Variants in KAZN observed in about 807,000 individuals in gnomAD.
KAZN encodes the protein kazrin.
KAZN carries 40 observed loss-of-function variants against 87.4 expected under a neutral mutation model. That is an observed-to-expected ratio of 0.46 (90% CI 0.36 to 0.60). The LOEUF (loss-of-function observed/expected upper bound fraction) is 0.60. Among genes scored for constraint, KAZN ranks in the 20% least tolerant of loss-of-function variants. The pLI, the probability that KAZN is intolerant of heterozygous loss-of-function variation, is 0.00. For synonymous variants in KAZN, 466 were observed against 458.3 expected (o/e 1.02, Z -0.22); for missense variants, 898 against 1,073.9 (o/e 0.84, Z 2.29).
intron 2 of KAZN, among the ~76,000 whole-genome samples, chr1:14,420,048 A>G (rs1188078232): frequency 6.6e-6 from 1 of 152,110 alleles, no homozygotes; most frequent in Non-Finnish European, 1.5e-5. Context: ...TCCATTTTAC[A>G]GAGAGCTGAT....
chr1:14,623,410 G>A (rs913779893), intron 1 of KAZN, among the ~76,000 whole-genome samples: 22 of 152,300 alleles, frequency 1.4e-4, no homozygotes, highest in African/African-American at 4.6e-4. Flanking sequence ...AAGTGGGAGC[G>A]AAACATTGAG....
At chr1:14,750,988 T>C (rs1644398935) in intron 1 of KAZN, among the ~76,000 whole-genome samples, 1 of 152,180 alleles carries the variant, frequency 6.6e-6, no homozygotes, top group Non-Finnish European at 1.5e-5. Context: ...GAGTGGGAGA[T>C]GGAGAATGGT....
At chr1:13,893,795 G>T in intron 1 of KAZN, 3 of 1,547,752 alleles carry the variant, frequency 1.9e-6, no homozygotes, top group Non-Finnish European at 2.6e-6. Context: ...CAGAGAATGG[G>T]AAGTGGAGCG....
chr1:15,050,028 GGGT>G (rs1231491977), intron 4 of KAZN, among the ~76,000 whole-genome samples: 831 of 82,042 alleles, frequency 0.01, 23 homozygotes, highest in African/African-American at 0.068. Flanking sequence ...GAGTAGAGTA[GGGT>G]AGGGTAGGGT....
At chr1:14,803,690 C>T (rs1387785564) in intron 1 of KAZN, among the ~76,000 whole-genome samples, 3 of 152,358 alleles carry the variant, frequency 2.0e-5, no homozygotes, top group South Asian at 2.1e-4. Context: ...CAGTGCTTTA[C>T]GACGGCACCT....
Position 15,103,494 on chromosome 1 carries a change from G to C in KAZN, c.1881+34G>C, listed in dbSNP as rs1016281027. On this transcript the variant is annotated intron_variant, in intron 12 of 14. Coordinates refer to ENST00000376030, the MANE Select transcript of KAZN (RefSeq NM_201628.3). ...GATAGCGGAGGTCGGGGTGACTCTC[G>C]GGCATACACAAACCCCATGCAAATC... The C allele has an allele frequency of 5.1e-6, 7 of 1,383,162 alleles. No individual in the cohort carries two copies. The African/African-American group carries it at 1.1e-4, about 21-fold the overall frequency. The allele number at this position is 1,383,162 out of a possible 1,614,324, so 85.7% of individuals were successfully genotyped here. A position where few individuals can be genotyped will look rare whatever the true frequency, so the allele number is the denominator to read the frequency against.
intron 1 of KAZN, among the ~76,000 whole-genome samples, chr1:14,888,018 C>CCT (rs1186124621): frequency 6.6e-6 from 1 of 151,998 alleles, no homozygotes; most frequent in Non-Finnish European, 1.5e-5. Flanking sequence ...TTGCTGACAG[C>CCT]CTCTCTCGGT....
At chr1:14,717,603 C>A (rs1388554642) in intron 1 of KAZN, among the ~76,000 whole-genome samples, 1 of 152,206 alleles carries the variant, frequency 6.6e-6, no homozygotes, top group Non-Finnish European at 1.5e-5. Context: ...CCAGCATGAT[C>A]TCATCTTGAC....
At chr1:14,483,950 G>A (rs1399258364) in intron 2 of KAZN, among the ~76,000 whole-genome samples, 1 of 152,212 alleles carries the variant, frequency 6.6e-6, no homozygotes, top group Non-Finnish European at 1.5e-5. Flanking sequence ...TATGGTGTGA[G>A]ATAATGGTCT....
intron 1 of KAZN, among the ~76,000 whole-genome samples, chr1:14,146,746 CA>C (rs1645362280): frequency 6.8e-6 from 1 of 147,828 alleles, no homozygotes; most frequent in Non-Finnish European, 1.5e-5. Flanking sequence ...GACTTGATGA[CA>C]GTTAAATTTG....
At chr1:14,895,961 CAAG>C (rs780109580) in intron 1 of KAZN, among the ~76,000 whole-genome samples, 12 of 149,664 alleles carry the variant, frequency 8.0e-5, no homozygotes, top group Non-Finnish European at 1.8e-4. Context: ...ACTTGGATGA[CAAG>C]AAAAAGTTGG....
chr1:14,126,519 T>A (rs1644871911), intron 1 of KAZN, among the ~76,000 whole-genome samples: 1 of 152,182 alleles, frequency 6.6e-6, no homozygotes, highest in Admixed American at 6.5e-5. Context: ...TATGTTTCCT[T>A]TACTTGTACA....
At chr1:15,016,125 A>C (rs999920450) in intron 2 of KAZN, among the ~76,000 whole-genome samples, 15 of 152,148 alleles carry the variant, frequency 9.9e-5, no homozygotes, top group Non-Finnish European at 2.2e-4. Context: ...CACTGAGGGG[A>C]GAAGGTGATG....
At chr1:14,704,155 G>A (rs1642081285) in intron 1 of KAZN, among the ~76,000 whole-genome samples, 1 of 152,210 alleles carries the variant, frequency 6.6e-6, no homozygotes, top group Non-Finnish European at 1.5e-5. Flanking sequence ...ATAGTAAGGA[G>A]AGACACCTAG....
chr1:14,898,349 G>A (rs780895701), intron 1 of KAZN, among the ~76,000 whole-genome samples: 1 of 152,204 alleles, frequency 6.6e-6, no homozygotes, highest in Admixed American at 6.5e-5. Flanking sequence ...CACTGAGACG[G>A]TTCTGCTCCT....
intron 13 of KAZN, among the ~76,000 whole-genome samples, chr1:15,110,051 A>G (rs111203778): frequency 1.0e-5 from 1 of 98,904 alleles, no homozygotes; most frequent in Non-Finnish European, 2.0e-5. Flanking sequence ...GTATATATAT[A>G]TGTGCGTGTG....
chr1:14,767,558 G>C (rs137885089), intron 1 of KAZN, among the ~76,000 whole-genome samples: 2,344 of 152,304 alleles, frequency 0.015, 30 homozygotes, highest in South Asian at 0.067. Flanking sequence ...TTGACTCAGT[G>C]CAAAGCCAAA....
At chr1:14,252,744 A>C (rs1220171555) in intron 2 of KAZN, among the ~76,000 whole-genome samples, 6 of 152,208 alleles carry the variant, frequency 3.9e-5, no homozygotes, top group Admixed American at 3.3e-4. Flanking sequence ...AGGATAAGTG[A>C]TGTTAGTTTC....
At chr1:13,970,699 A>G (rs1327351246) in intron 1 of KAZN, among the ~76,000 whole-genome samples, 1 of 152,238 alleles carries the variant, frequency 6.6e-6, no homozygotes. Context: ...TCTCTTTTCC[A>G]GAGCCAATGC....
Sources: gnomAD v4.1 joint callset for allele counts (sites outside exome capture counted in the v4.1 genomes callset) on GRCh38, gnomAD v4.1.1 for gene constraint, MANE v1.5 for transcripts, NCBI Gene and HGNC (gene_info 2026-07-23, HGNC 2026-07-21) for gene names.